PTCHD4: variants seen among roughly 807,000 people sequenced by gnomAD.
PTCHD4 encodes patched domain-containing protein 4.
In PTCHD4, 33 loss-of-function variants were observed where a neutral mutation model predicts 58.1. The ratio of observed to expected loss-of-function variants is 0.57; its 90% CI spans 0.43 to 0.76. The LOEUF (loss-of-function observed/expected upper bound fraction) is 0.76. Ranked by LOEUF, PTCHD4 falls within the 30% of genes least tolerant of loss-of-function variation. The probability of loss-of-function intolerance (pLI) is 0.00; values close to 1 mark genes in which losing one functional copy is unlikely to be tolerated. For missense variants in PTCHD4, 1,058 were observed against 1,027.1 expected (o/e 1.03, Z -0.41); for synonymous variants, 478 against 409.6 (o/e 1.17, Z -2.02).
chr6:48,092,853 C>T (rs1161769866), intron 1 of PTCHD4, among the ~76,000 whole-genome samples: 1 of 152,190 alleles, frequency 6.6e-6, no homozygotes, highest in Admixed American at 6.5e-5. Flanking sequence ...TCTGTAAGCA[C>T]TAGTTTTTGC....
chr6:47,911,566 T>C (rs764801963), intron 4 of PTCHD4, among the ~76,000 whole-genome samples: 38 of 152,156 alleles, frequency 2.5e-4, no homozygotes, highest in Middle Eastern at 3.2e-3. Context: ...TAAAGGATGA[T>C]GTCCAGGTTT....
Position 47,861,899 on chromosome 6 carries a change from C to A in PTCHD4, c.*16404G>T, listed in dbSNP as rs1763436135. 1.3e-5 allele frequency among the ~76,000 whole-genome samples: 2 copies of A among 151,840 alleles called. No homozygotes were observed. The highest frequency in any genetic ancestry group is 4.1e-4 in the South Asian group (2 of 4,830). ...ATGGATTAATGAATGAATGATATGG[C>A]TAGTTCATCAGGTCATTTTATTTTC... is the stretch of plus-strand genomic sequence containing the variant. On this transcript the variant is annotated 3_prime_UTR_variant, in exon 5 of 5. Coordinates refer to ENST00000339488, the MANE Select transcript of PTCHD4 (RefSeq NM_001384253.1).
chr6:48,110,151 T>C (rs552699373), intron 1 of PTCHD4, among the ~76,000 whole-genome samples: 4 of 152,200 alleles, frequency 2.6e-5, no homozygotes, highest in African/African-American at 9.6e-5. Flanking sequence ...AAGAGATATT[T>C]GTACTACCAC....
intron 1 of PTCHD4, among the ~76,000 whole-genome samples, chr6:48,073,131 G>T (rs1304839382): frequency 6.6e-6 from 1 of 152,024 alleles, no homozygotes. Context: ...TTTAAAATAG[G>T]GCTTAATATA....
At chr6:47,992,912 T>C (rs1392552515) in intron 4 of PTCHD4, among the ~76,000 whole-genome samples, 1 of 152,082 alleles carries the variant, frequency 6.6e-6, no homozygotes, top group Non-Finnish European at 1.5e-5. Context: ...TTGTATGAGA[T>C]ACAGATACTC....
Position 47,917,112 on chromosome 6 carries a change from C to T in PTCHD4, c.899-37176G>A, listed in dbSNP as rs567748981. On this transcript the variant is annotated intron_variant, in intron 4 of 4. Coordinates refer to ENST00000339488, the MANE Select transcript of PTCHD4 (RefSeq NM_001384253.1). ...AATTTGTATCTTTTTTCCAATAATA[C>T]TACTTTTGAGCAAAGCAAAATATGA... Among the ~76,000 whole-genome samples the T allele has an allele frequency of 1.4e-3, 213 of 151,982 alleles. 2 individuals carry two copies. The highest frequency in any genetic ancestry group is 4.9e-3 in the African/African-American group (204 of 41,526).
At chr6:47,985,801 G>A (rs1768045379) in intron 4 of PTCHD4, among the ~76,000 whole-genome samples, 1 of 151,568 alleles carries the variant, frequency 6.6e-6, no homozygotes, top group South Asian at 2.1e-4. Flanking sequence ...AAAGCTTGTG[G>A]TGGTATGATC....
chr6:48,009,441 T>A (rs1442953254), intron 3 of PTCHD4, among the ~76,000 whole-genome samples: 1 of 152,216 alleles, frequency 6.6e-6, no homozygotes, highest in African/African-American at 2.4e-5. Context: ...CCATTACAAA[T>A]CCTTAATACA....
At chr6:48,110,957 C>T (rs1327999177) in intron 1 of PTCHD4, among the ~76,000 whole-genome samples, 92 bp downstream of exon 1, 1 of 151,902 alleles carries the variant, frequency 6.6e-6, no homozygotes, top group Non-Finnish European at 1.5e-5. Context: ...GACCCTTCTA[C>T]ACATGCATTG....
intron 3 of PTCHD4, among the ~76,000 whole-genome samples, chr6:48,036,228 A>T (rs927432302): frequency 1.3e-5 from 2 of 152,088 alleles, no homozygotes; most frequent in African/African-American, 4.8e-5. Flanking sequence ...CAAGAGAAAT[A>T]CAATTTGCAA....
At chr6:47,910,603 C>G (rs1348224136) in intron 4 of PTCHD4, among the ~76,000 whole-genome samples, 1 of 151,968 alleles carries the variant, frequency 6.6e-6, no homozygotes, top group Non-Finnish European at 1.5e-5. Flanking sequence ...ATCAAGATAG[C>G]CCTTGTAAGC....
intron 4 of PTCHD4, among the ~76,000 whole-genome samples, chr6:47,973,360 T>C (rs1451602076): frequency 6.6e-6 from 1 of 152,216 alleles, no homozygotes; most frequent in Non-Finnish European, 1.5e-5. Context: ...AAAGAAGCTT[T>C]CACTTACTTT....
At chr6:47,909,714 TTG>T in intron 4 of PTCHD4, among the ~76,000 whole-genome samples, 1 of 152,248 alleles carries the variant, frequency 6.6e-6, no homozygotes, top group East Asian at 1.9e-4. Flanking sequence ...AGTGTTGGGA[TTG>T]CAGGTATGAG....
chr6:47,995,357 G>A (rs566486427), intron 4 of PTCHD4, among the ~76,000 whole-genome samples: 3 of 152,276 alleles, frequency 2.0e-5, no homozygotes, highest in Admixed American at 6.5e-5. Context: ...TCTTTGAAAG[G>A]AACAAAGAAA....
intron 3 of PTCHD4, among the ~76,000 whole-genome samples, chr6:48,024,797 C>T (rs1289087079): frequency 6.6e-6 from 1 of 152,130 alleles, no homozygotes; most frequent in Non-Finnish European, 1.5e-5. Flanking sequence ...CTCCTGATTC[C>T]ACAGTACAGA....
chr6:47,997,080 T>C (rs1768522251), intron 4 of PTCHD4, among the ~76,000 whole-genome samples: 1 of 152,170 alleles, frequency 6.6e-6, no homozygotes, highest in Non-Finnish European at 1.5e-5. Flanking sequence ...AATAGAATTA[T>C]AGAGAATGAA....
intron 1 of PTCHD4, among the ~76,000 whole-genome samples, chr6:48,095,269 T>C (rs908344034): frequency 2.0e-5 from 3 of 152,162 alleles, no homozygotes; most frequent in Non-Finnish European, 2.9e-5. Flanking sequence ...ACACTAAAAA[T>C]GTATAGTTGT....
rs552278676 is a variant in PTCHD4, at chr6:47,909,403, G to A, written c.899-29467C>T. On this transcript the variant is annotated intron_variant, in intron 4 of 4. Transcript: ENST00000339488. ...ACATGATATTATCATAAACCAGTAA[G>A]CATGCAATGCATATTTTCTTAATAT... 1.4e-4 allele frequency among the ~76,000 whole-genome samples: 21 copies of A among 152,156 alleles called. No individual in the cohort carries two copies. In the South Asian group the frequency reaches 4.2e-3, roughly 30 times the overall value.
intron 1 of PTCHD4, among the ~76,000 whole-genome samples, chr6:48,089,744 T>A (rs1224307348): frequency 2.0e-5 from 3 of 152,354 alleles, no homozygotes; most frequent in African/African-American, 7.2e-5. Context: ...AATGTATTTA[T>A]CAATTGCATT....
Sources: allele counts gnomAD v4.1 joint callset (sites outside exome capture counted in the v4.1 genomes callset), GRCh38; gene constraint gnomAD v4.1.1; transcripts MANE v1.5; gene names NCBI Gene and HGNC (gene_info 2026-07-23, HGNC 2026-07-21).